The following PTPRG variants were observed in gnomAD, a reference collection of about 807,000 sequenced individuals.
The protein encoded by PTPRG is receptor-type tyrosine-protein phosphatase gamma.
Under a neutral mutation model 165.3 loss-of-function variants are expected in PTPRG, and 102 were observed. The ratio of observed to expected loss-of-function variants is 0.62; its 90% CI spans 0.53 to 0.73. The LOEUF (loss-of-function observed/expected upper bound fraction) is 0.73. Among genes scored for constraint, PTPRG ranks in the 30% least tolerant of loss-of-function variants. PTPRG has a pLI of 0.00. For missense variants in PTPRG, 1,866 were observed against 1,861.4 expected (o/e 1.00, Z -0.05); for synonymous variants, 675 against 669.5 (o/e 1.01, Z -0.13).
At chr3:61,844,796 C>G (rs1278137461) in intron 2 of PTPRG, among the ~76,000 whole-genome samples, 2 of 152,228 alleles carry the variant, frequency 1.3e-5, no homozygotes, top group Admixed American at 6.5e-5. Context: ...AGCCACCACA[C>G]CTGGCCAGCA....
chr3:62,191,326 A>G (rs1249059858), intron 8 of PTPRG, 143 bp from the exon 9 acceptor site: 2 of 647,620 alleles, frequency 3.1e-6, no homozygotes, highest in African/African-American at 3.7e-5. Flanking sequence ...CTACACACAC[A>G]ATGTTAAGAG....
intron 2 of PTPRG, among the ~76,000 whole-genome samples, chr3:61,985,795 C>A (rs573990770): frequency 2.0e-5 from 3 of 152,152 alleles, no homozygotes. Flanking sequence ...GATGATGCTT[C>A]GCAGAAGGCA....
intron 2 of PTPRG, among the ~76,000 whole-genome samples, chr3:61,829,210 T>C (rs1440848464): frequency 2.6e-5 from 4 of 152,234 alleles, no homozygotes; most frequent in East Asian, 1.9e-4. Flanking sequence ...ACATAAAACA[T>C]GAAGCACTAA....
chr3:61,665,000 T>C (rs528298086), intron 1 of PTPRG, among the ~76,000 whole-genome samples: 1 of 152,186 alleles, frequency 6.6e-6, no homozygotes, highest in South Asian at 2.1e-4. Context: ...TTCTGATAAA[T>C]CTTACTGTCT....
intron 7 of PTPRG, among the ~76,000 whole-genome samples, chr3:62,166,932 C>T (rs910485725): frequency 6.6e-6 from 1 of 152,134 alleles, no homozygotes; most frequent in African/African-American, 2.4e-5. Context: ...GATCTTCCAC[C>T]TCAGCCTCCC....
chr3:62,243,257 G>A (rs767655073), intron 14 of PTPRG, among the ~76,000 whole-genome samples: 42 of 152,192 alleles, frequency 2.8e-4, no homozygotes, highest in South Asian at 1.5e-3. Context: ...CTCAGATGTT[G>A]TCTGGCAAGG....
intron 1 of PTPRG, among the ~76,000 whole-genome samples, chr3:61,603,179 A>ATCCTCTGAGTTCCTTAGGGCT (rs1355297632): frequency 6.6e-6 from 1 of 152,192 alleles, no homozygotes; most frequent in Non-Finnish European, 1.5e-5. Flanking sequence ...GACTTGGGGC[A>ATCCTCTGAGTTCCTTAGGGCT]TCCTCTGAGT....
At chr3:61,992,755 C>A (rs1210462362) in intron 3 of PTPRG, among the ~76,000 whole-genome samples, 2 of 152,184 alleles carry the variant, frequency 1.3e-5, no homozygotes, top group African/African-American at 4.8e-5. Context: ...CTCCTGACTT[C>A]AAGTGATCTG....
At chr3:61,728,874 C>CAAAAA (rs3032404) in intron 1 of PTPRG, among the ~76,000 whole-genome samples, 1 of 103,000 alleles carries the variant, frequency 9.7e-6, no homozygotes, top group African/African-American at 3.5e-5. Context: ...TAATCTGTAC[C>CAAAAA]AAAAAAAAAA....
At chr3:62,044,872 T>C (rs374273691) in intron 4 of PTPRG, among the ~76,000 whole-genome samples, 2 of 152,184 alleles carry the variant, frequency 1.3e-5, no homozygotes, top group Non-Finnish European at 2.9e-5. Flanking sequence ...TAATACTTGA[T>C]GGATTTTATT....
At chr3:62,108,472 C>G (rs181749069) in intron 5 of PTPRG, among the ~76,000 whole-genome samples, 3 of 152,154 alleles carry the variant, frequency 2.0e-5, no homozygotes, top group Non-Finnish European at 4.4e-5. Flanking sequence ...GGTTCCAAGT[C>G]TTTGCTATTG....
intron 1 of PTPRG, among the ~76,000 whole-genome samples, chr3:61,581,185 TCA>T (rs891239463): frequency 2.0e-5 from 3 of 152,232 alleles, no homozygotes; most frequent in Non-Finnish European, 2.9e-5. Flanking sequence ...CACTGTGCTC[TCA>T]GTTAGTTCTA....
intron 16 of PTPRG, chr3:62,262,258 G>A (rs1474992604): frequency 6.6e-6 from 1 of 152,150 alleles, no homozygotes; most frequent in Non-Finnish European, 1.5e-5. Flanking sequence ...TGTTATTAGG[G>A]TTATTTCAGC....
chr3:62,087,995 A>G (rs1701805903), intron 5 of PTPRG, among the ~76,000 whole-genome samples: 1 of 152,212 alleles, frequency 6.6e-6, no homozygotes, highest in African/African-American at 2.4e-5. Context: ...TAAAGAGTAT[A>G]GAATAAATGC....
chr3:61,713,921 A>G (rs748481332), intron 1 of PTPRG, among the ~76,000 whole-genome samples: 2 of 152,240 alleles, frequency 1.3e-5, no homozygotes, highest in Non-Finnish European at 2.9e-5. Context: ...TGTAATAATT[A>G]ACAAAGAGAT....
intron 2 of PTPRG, among the ~76,000 whole-genome samples, chr3:61,797,075 G>GT (rs1217825316): frequency 6.6e-6 from 1 of 152,196 alleles, no homozygotes; most frequent in Non-Finnish European, 1.5e-5. Flanking sequence ...GGTTGTTAGA[G>GT]GCCAGCCGGC....
At chr3:61,585,095 A>G (rs1237826905) in intron 1 of PTPRG, among the ~76,000 whole-genome samples, 1 of 151,932 alleles carries the variant, frequency 6.6e-6, no homozygotes, top group African/African-American at 2.4e-5. Context: ...AGCCTGGCCA[A>G]CATGGCAAAA....
At chr3:61,636,581 C>G (rs1701915151) in intron 1 of PTPRG, among the ~76,000 whole-genome samples, 1 of 152,224 alleles carries the variant, frequency 6.6e-6, no homozygotes, top group African/African-American at 2.4e-5. Flanking sequence ...CTTGGCTTCC[C>G]AAAGTGCTGG....
chr3:61,804,385 A>T (rs1045962563), intron 2 of PTPRG, among the ~76,000 whole-genome samples: 22 of 152,306 alleles, frequency 1.4e-4, no homozygotes, highest in African/African-American at 4.3e-4. Flanking sequence ...TCACCTGAGT[A>T]ACCAATTTCT....
Sources: gnomAD v4.1 joint callset for allele counts (sites outside exome capture counted in the v4.1 genomes callset) on GRCh38, gnomAD v4.1.1 for gene constraint, MANE v1.5 for transcripts, NCBI Gene and HGNC (gene_info 2026-07-23, HGNC 2026-07-21) for gene names.